SH3YL1: variants seen among roughly 807,000 people sequenced by gnomAD.
SH3YL1 encodes the protein SH3 domain-containing YSC84-like protein 1.
In SH3YL1, 41 loss-of-function variants were observed where a neutral mutation model predicts 45.8. That is an observed-to-expected ratio of 0.89 (90% CI 0.70 to 1.16). SH3YL1 has a LOEUF of 1.16. SH3YL1 is among the 50% of genes most tolerant of loss of function. The pLI is 0.00. For synonymous variants in SH3YL1, 152 were observed against 151.4 expected, an observed-to-expected ratio of 1.00 and a Z score of -0.03; for missense variants, 389 against 409.6, an observed-to-expected ratio of 0.95 and a Z score of 0.43.
chr2:219,444 G>A (rs967166913), intron 9 of SH3YL1, among the ~76,000 whole-genome samples: 6 of 152,086 alleles, frequency 3.9e-5, no homozygotes, highest in African/African-American at 1.4e-4. Flanking sequence ...CCTGAGGGGA[G>A]CTTCTTGCAC....
chr2:218,979 T>C lies in SH3YL1; in HGVS notation c.861A>G (p.Glu287=). 6.2e-7 allele frequency: 1 copy of C among 1,608,610 alleles called. No individual in the cohort carries two copies. Among genetic ancestry groups the C allele is most frequent in the Non-Finnish European group, 8.5e-7 (1 of 1,178,030 alleles). ...CTTCAAATGAATACAGCGCTGTCAC[T>C]TCTATGGGTTGATTCAAATTGCCTG... The part of the protein sequence containing the change: ...ERVGNLNQPI[E]VTALYSFEGQ... Residue 287 remains glutamate (E), a synonymous_variant, in exon 10 of 10, where the codon GAA becomes GAG. Coordinates refer to ENST00000356150, the MANE Select transcript of SH3YL1 (RefSeq NM_015677.4).
chr2:235,712 C>T (rs1424296307), intron 4 of SH3YL1, among the ~76,000 whole-genome samples: 8 of 49,714 alleles, frequency 1.6e-4, no homozygotes, highest in South Asian at 1.0e-3. Context: ...GCAGCATGGG[C>T]CAGGGGAGGC....
intron 1 of SH3YL1, chr2:262,559 A>T: frequency 7.7e-7 from 1 of 1,302,820 alleles, no homozygotes; most frequent in Non-Finnish European, 1.0e-6. Context: ...CTTCTCAGAG[A>T]AAATTTTTTT....
intron 8 of SH3YL1, among the ~76,000 whole-genome samples, chr2:228,628 C>T (rs987532016): frequency 6.6e-6 from 1 of 152,156 alleles, no homozygotes; most frequent in Non-Finnish European, 1.5e-5. Flanking sequence ...GTGCTCATAT[C>T]TCATTAGTCA....
chr2:244,941 G>T (rs999896573), intron 4 of SH3YL1, among the ~76,000 whole-genome samples: 1 of 152,090 alleles, frequency 6.6e-6, no homozygotes, highest in Non-Finnish European at 1.5e-5. Flanking sequence ...CAGGAAGGAC[G>T]TGTCTACCCT....
chr2:264,138 G>T, upstream of SH3YL1: 2 of 1,159,548 alleles, frequency 1.7e-6, no homozygotes, highest in Non-Finnish European at 2.3e-6. Flanking sequence ...ACGTTTCGCG[G>T]GACAAAAACC....
At chr2:223,071 TAACTCAGTTGTAACTG>T (rs889774296) in intron 9 of SH3YL1, 1 of 152,244 alleles carries the variant, frequency 6.6e-6, no homozygotes, top group African/African-American at 2.4e-5. Context: ...AAAGGAATAT[TAACTCAGTTGTAACTG>T]AGTTACCATT....
intron 2 of SH3YL1, among the ~76,000 whole-genome samples, chr2:251,181 A>G (rs900743986): frequency 6.6e-6 from 1 of 152,228 alleles, no homozygotes; most frequent in Non-Finnish European, 1.5e-5. Context: ...TAATCTGCCA[A>G]TTAGCTTTTG....
At position 234,322 on chromosome 2, in the gene SH3YL1, T is replaced by C. The variant is rs748826884; in HGVS notation, c.292-50A>G. On this transcript the variant is annotated intron_variant, in intron 4 of 9. Transcript: ENST00000356150. ...TAAAAATCGTTAAGACTAAATATCA[T>C]TTAAAATTCATCTTGACTAACACTC... The C allele has an allele frequency of 1.3e-5, 18 of 1,405,484 alleles. No individual in the cohort carries two copies. In the South Asian group the frequency reaches 1.6e-4, roughly 12 times the overall value. The allele number at this position is 1,405,484 out of a possible 1,614,324, so 87.1% of individuals were successfully genotyped here.
rs1389127273 is a variant in SH3YL1 at position 218,661 on chromosome 2, T to C, written c.*150A>G. ...AAGATATGTCAGTCAGCTCTTTTTA[T>C]ATAGAAAAACAAAATCTTTTACATA... On this transcript the variant is annotated 3_prime_UTR_variant, in exon 10 of 10. Coordinates refer to ENST00000356150, the MANE Select transcript of SH3YL1 (RefSeq NM_015677.4). The C allele has an allele frequency of 7.8e-6, 5 of 643,208 alleles. No individual in the cohort carries two copies. The highest frequency in any genetic ancestry group is 3.2e-5 in the Admixed American group (1 of 31,644). 39.8% of individuals were successfully genotyped at this position (643,208 alleles called of 1,614,324 possible).
chr2:263,597 C>T (rs1187460837), intron 1 of SH3YL1: 12 of 195,744 alleles, frequency 6.1e-5, no homozygotes, highest in Non-Finnish European at 1.1e-4. Context: ...CTCCTCCCCG[C>T]GCCTGCCGCG....
intron 1 of SH3YL1, among the ~76,000 whole-genome samples, chr2:258,210 T>C (rs55936726): frequency 0.29 from 44,232 of 152,068 alleles, 6,830 homozygotes; most frequent in Non-Finnish European, 0.35. Flanking sequence ...GGTAGTATAA[T>C]AGGAATAGTA....
Position 233,084 on chromosome 2 carries a change from C to T in SH3YL1, c.533+17G>A. 1 of 1,533,512 alleles carries T rather than the reference C, an allele frequency of 6.5e-7. No individual in the cohort carries two copies. Among genetic ancestry groups the T allele is most frequent in the African/African-American group, 1.4e-5 (1 of 72,494 alleles). The allele number at this position is 1,533,512 out of a possible 1,614,324, so 95.0% of individuals were successfully genotyped here. A position where few individuals can be genotyped will look rare whatever the true frequency, so the allele number is the denominator to read the frequency against. On this transcript the variant is annotated intron_variant, in intron 6 of 9. Transcript: ENST00000356150. ...CTCATCACACTTTCAATTAAAATCA[C>T]TTTAACTTGAACTGACTTTCTATTA...
intron 1 of SH3YL1, chr2:262,546 G>A: frequency 7.7e-7 from 1 of 1,296,678 alleles, no homozygotes; most frequent in Non-Finnish European, 1.0e-6. Flanking sequence ...TAAAAAATGG[G>A]ATCTTCTCAG....
At chr2:261,992 A>T (rs960523741) in intron 1 of SH3YL1, among the ~76,000 whole-genome samples, 25 of 152,246 alleles carry the variant, frequency 1.6e-4, no homozygotes, top group African/African-American at 6.0e-4. Context: ...CATTAAACTG[A>T]TAAAATTCCA....
chr2:229,952 AC>A lies in SH3YL1; in HGVS notation c.781+13del. The A allele has an allele frequency of 6.2e-7, 1 of 1,603,714 alleles. No homozygotes were observed. The highest frequency in any genetic ancestry group is 8.5e-7 in the Non-Finnish European group (1 of 1,171,198). On this transcript the variant is annotated intron_variant, in intron 8 of 9. Coordinates refer to ENST00000356150, the MANE Select transcript of SH3YL1 (RefSeq NM_015677.4). ...TAATTACAACTGTATTTGAATTGCAACAAAAATATTTACTTTGAGAGCCAGA... is the reference window on the plus strand; with the variant it reads ...TAATTACAACTGTATTTGAATTGCAAAAAAATATTTACTTTGAGAGCCAGA...
chr2:222,553 G>T (rs189589548), intron 9 of SH3YL1: 18 of 152,386 alleles, frequency 1.2e-4, no homozygotes, highest in African/African-American at 3.6e-4. Context: ...TATGGGATGG[G>T]TAAGAGGACG....
At chr2:248,587 A>C (rs1252253452) in intron 3 of SH3YL1, among the ~76,000 whole-genome samples, 1 of 152,188 alleles carries the variant, frequency 6.6e-6, no homozygotes, top group Non-Finnish European at 1.5e-5. Context: ...TTTTAAAACC[A>C]GTAGAAAGGT....
chr2:222,101 A>C (rs981822812), intron 9 of SH3YL1, among the ~76,000 whole-genome samples: 3 of 152,230 alleles, frequency 2.0e-5, no homozygotes, highest in African/African-American at 7.2e-5. Flanking sequence ...TTCCTTCTGC[A>C]CAGCATATGC....
Sources: allele counts gnomAD v4.1 joint callset (sites outside exome capture counted in the v4.1 genomes callset), GRCh38; gene constraint gnomAD v4.1.1; transcripts MANE v1.5; gene names NCBI Gene and HGNC (gene_info 2026-07-23, HGNC 2026-07-21).